The following DOCK7 variants were observed in gnomAD, a reference collection of about 807,000 sequenced individuals.
DOCK7 encodes the protein dedicator of cytokinesis 7.
In DOCK7, 138 loss-of-function variants were observed where a neutral mutation model predicts 271.0. That is an observed-to-expected ratio of 0.51 (90% confidence interval 0.44 to 0.59). The LOEUF is 0.59. DOCK7 is among the 20% of genes least tolerant of loss of function. The pLI, the probability that DOCK7 is intolerant of heterozygous loss-of-function variation, is 0.00. For synonymous variants in DOCK7, 823 were observed against 876.1 expected (o/e 0.94, Z 1.07); for missense variants, 2,066 against 2,592.4 (o/e 0.80, Z 4.41).
intron 1 of DOCK7, among the ~76,000 whole-genome samples, chr1:62,670,061 C>T (rs914973739): frequency 6.6e-6 from 1 of 152,236 alleles, no homozygotes; most frequent in African/African-American, 2.4e-5. Context: ...TGTACTGGGT[C>T]CCCCAGCAGT....
At chr1:62,533,426 G>T (rs1196942462) in intron 29 of DOCK7, among the ~76,000 whole-genome samples, 1 of 117,524 alleles carries the variant, frequency 8.5e-6, no homozygotes, top group African/African-American at 2.7e-5. Context: ...CCAAATAACA[G>T]ATTCCTTTAT....
intron 29 of DOCK7, among the ~76,000 whole-genome samples, chr1:62,534,161 G>T (rs1012651852): frequency 7.2e-5 from 11 of 152,118 alleles, no homozygotes; most frequent in African/African-American, 2.7e-4. Flanking sequence ...ACCATGTGTG[G>T]CTAATGTTTG....
chr1:62,589,448 T>G (rs922710082), intron 14 of DOCK7, among the ~76,000 whole-genome samples: 1 of 152,154 alleles, frequency 6.6e-6, no homozygotes, highest in Non-Finnish European at 1.5e-5. Context: ...TTTTCTGTTA[T>G]GACAAGACGT....
chr1:62,461,397 G>T (rs1471080380), intron 48 of DOCK7, among the ~76,000 whole-genome samples: 1 of 152,012 alleles, frequency 6.6e-6, no homozygotes, highest in Non-Finnish European at 1.5e-5. Flanking sequence ...AAAGTTAACT[G>T]CAGCTGGGCA....
chr1:62,655,414 T>C (rs1657889460), intron 2 of DOCK7, among the ~76,000 whole-genome samples: 1 of 140,128 alleles, frequency 7.1e-6, no homozygotes, highest in Non-Finnish European at 1.5e-5. Context: ...ACTGAACTTT[T>C]TTTTTCTTTT....
At chr1:62,582,599 G>GCC (rs144467554) in intron 16 of DOCK7, among the ~76,000 whole-genome samples, 1 of 125,560 alleles carries the variant, frequency 8.0e-6, no homozygotes, top group Admixed American at 7.8e-5. Context: ...AGAGCTGTGG[G>GCC]CCCCAAAAAA....
chr1:62,464,308 A>G (rs1472852607), intron 48 of DOCK7, among the ~76,000 whole-genome samples: 2 of 149,186 alleles, frequency 1.3e-5, no homozygotes, highest in South Asian at 2.2e-4. Context: ...TGATCCACCC[A>G]CCTCGGCCTC....
intron 11 of DOCK7, chr1:62,629,032 G>A (rs1316227910): frequency 6.6e-6 from 1 of 152,158 alleles, no homozygotes; most frequent in East Asian, 1.9e-4. Context: ...CCTACAATGA[G>A]TACCACTTCA....
At chr1:62,509,535 G>A (rs1644419892) in intron 34 of DOCK7, among the ~76,000 whole-genome samples, 2 of 152,004 alleles carry the variant, frequency 1.3e-5, no homozygotes, top group African/African-American at 4.8e-5. Flanking sequence ...TATACTGATA[G>A]TACAGTACCT....
chr1:62,586,697 C>T (rs576873849), intron 14 of DOCK7, 73 bp from the exon 15 acceptor site: 3 of 858,058 alleles, frequency 3.5e-6, no homozygotes, highest in South Asian at 2.0e-5. Context: ...CAAAATACCA[C>T]AAAATAAGTG....
At chr1:62,676,707 A>C (rs1218879117) in intron 1 of DOCK7, among the ~76,000 whole-genome samples, 1 of 152,246 alleles carries the variant, frequency 6.6e-6, no homozygotes, top group African/African-American at 2.4e-5. Flanking sequence ...ATCCTGTAAC[A>C]TTAGCAATTA....
chr1:62,648,086 T>G lies in DOCK7; in HGVS notation c.732+20A>C. On this transcript the variant is annotated intron_variant, in intron 6 of 49. Coordinates refer to ENST00000635253, the MANE Select transcript of DOCK7 (RefSeq NM_001367561.1). The stretch of plus-strand genomic sequence containing the variant: ...TCAATTTTAATAATCATTTGCTTCT[T>G]TATATGCAAACATCTATACCTCATC... 1.2e-6 allele frequency: 2 copies of G among 1,600,866 alleles called. No individual in the cohort carries two copies. Among genetic ancestry groups the G allele is most frequent in the Non-Finnish European group, 1.7e-6 (2 of 1,169,280 alleles).
intron 1 of DOCK7, among the ~76,000 whole-genome samples, chr1:62,687,234 A>C (rs1661890862): frequency 1.3e-5 from 2 of 152,240 alleles, no homozygotes; most frequent in South Asian, 4.1e-4. Flanking sequence ...AAAAATGTCT[A>C]CTGTCTCATA....
intron 39 of DOCK7, 196 bp from the exon 40 acceptor site, chr1:62,494,663 G>GT (rs1317484960): frequency 2.6e-5 from 9 of 346,680 alleles, no homozygotes; most frequent in Admixed American, 9.6e-5. Flanking sequence ...ATATCAGTTG[G>GT]TGGGGGGGGC....
At chr1:62,577,818 T>C (rs1375997116) in intron 17 of DOCK7, among the ~76,000 whole-genome samples, 1 of 152,248 alleles carries the variant, frequency 6.6e-6, no homozygotes, top group Non-Finnish European at 1.5e-5. Flanking sequence ...GAATCAAATG[T>C]TGGCTTTTCT....
rs1661699881 is a variant in DOCK7 at position 62,686,157 on chromosome 1, C to CA, written c.38+2069_38+2070insT. 6.2e-3 allele frequency among the ~76,000 whole-genome samples: 26 copies of CA among 4,210 alleles called. 12 individuals are homozygous for CA. The highest frequency in any genetic ancestry group is 6.5e-3 in the African/African-American group (26 of 3,986). 2.8% of individuals were successfully genotyped at this position (4,210 alleles called of 152,430 possible). A position where few individuals can be genotyped will look rare whatever the true frequency, so the allele number is the denominator to read the frequency against. ...ACTAGGAATACATGTCAAGTAATAA[C>CA]TTTTTTTTTTTTTTTTTTTTTTTTT... On this transcript the variant is annotated intron_variant, in intron 1 of 49. Transcript: ENST00000635253.
intron 7 of DOCK7, chr1:62,641,130 C>A: frequency 3.4e-6 from 1 of 296,396 alleles, no homozygotes; most frequent in South Asian, 3.3e-5. Flanking sequence ...GACCAGGAGT[C>A]CATGGCTCTT....
intron 46 of DOCK7, 56 bp from the exon 47 acceptor site, chr1:62,475,407 C>A: frequency 6.5e-7 from 1 of 1,530,202 alleles, no homozygotes; most frequent in Non-Finnish European, 8.8e-7. Flanking sequence ...ATTTAATGAA[C>A]TTTATGTATA....
chr1:62,547,211 A>G (rs1031701791), intron 22 of DOCK7, among the ~76,000 whole-genome samples: 3 of 152,204 alleles, frequency 2.0e-5, no homozygotes, highest in Non-Finnish European at 4.4e-5. Flanking sequence ...AAAGCTAACT[A>G]TTTAAAGAAA....
Sources: gnomAD v4.1 joint callset for allele counts (sites outside exome capture counted in the v4.1 genomes callset) on GRCh38, gnomAD v4.1.1 for gene constraint, MANE v1.5 for transcripts, NCBI Gene and HGNC (gene_info 2026-07-23, HGNC 2026-07-21) for gene names.